FAM193A: variants seen among roughly 807,000 people sequenced by gnomAD.
The protein encoded by FAM193A is protein FAM193A.
A neutral mutation model predicts 126.5 loss-of-function variants in FAM193A; 22 were observed. That is an observed-to-expected ratio of 0.17 (90% CI 0.12 to 0.25). FAM193A has a LOEUF of 0.25. Ranked by LOEUF, FAM193A falls within the 10% of genes least tolerant of loss-of-function variation. The pLI, the probability that FAM193A is intolerant of heterozygous loss-of-function variation, is 1.00. For missense variants in FAM193A, 1,675 were observed against 1,672.8 expected (o/e 1.00, Z -0.02); for synonymous variants, 761 against 646.8 (o/e 1.18, Z -2.68).
At chr4:2,707,544 A>T (rs959787277) in intron 19 of FAM193A, among the ~76,000 whole-genome samples, 1 of 152,142 alleles carries the variant, frequency 6.6e-6, no homozygotes, top group African/African-American at 2.4e-5. Flanking sequence ...AAAATATCTC[A>T]GTATAATTTT....
intron 7 of FAM193A, among the ~76,000 whole-genome samples, chr4:2,656,037 T>A (rs1472594025): frequency 6.6e-6 from 1 of 152,204 alleles, no homozygotes; most frequent in South Asian, 2.1e-4. Context: ...TCCTCCTGCT[T>A]TGGCCTACCA....
chr4:2,705,225 T>C (rs1250973714), intron 19 of FAM193A, among the ~76,000 whole-genome samples: 1 of 152,198 alleles, frequency 6.6e-6, no homozygotes, highest in Non-Finnish European at 1.5e-5. Flanking sequence ...TTTTTTTATA[T>C]GGTAGGGACA....
intron 18 of FAM193A, among the ~76,000 whole-genome samples, chr4:2,699,446 C>CG (rs1553912476): frequency 1.9e-5 from 2 of 103,476 alleles, no homozygotes; most frequent in East Asian, 2.7e-4. Context: ...ACCCCCCCCC[C>CG]CACACACACA....
At position 2,690,848 on chromosome 4, in the gene FAM193A, T is replaced by C. The variant is rs568343321; in HGVS notation, c.2681T>C (p.Met894Thr). The C allele has an allele frequency of 5.0e-6, 8 of 1,614,226 alleles. No individual in the cohort carries two copies. The South Asian group carries it at 8.8e-5, about 18-fold the overall frequency. ...KCLYNFQDAF[M>T]EANKVVMATS... ...TTATACAATTTCCAAGATGCTTTCA[T>C]GGAAGCAAATAAAGTTGTCATGGCC... The change falls in exon 15 of 21, where the codon ATG becomes ACG. Residue 894 changes from methionine (M) to threonine (T), a missense_variant. Physicochemically the swap from Met to Thr is moderately conservative, Grantham distance 81 (BLOSUM62 -1). Around this residue, in one of 4 missense-constraint regions of FAM193A, gnomAD observed 1,186 missense variants for 1,109.2 expected, o/e 1.07. Coordinates refer to ENST00000637812, the MANE Select transcript of FAM193A (RefSeq NM_001366318.2).
At chr4:2,579,695 T>C (rs914993536) in intron 1 of FAM193A, among the ~76,000 whole-genome samples, 8 of 150,048 alleles carry the variant, frequency 5.3e-5, no homozygotes, top group Admixed American at 4.6e-4. Context: ...TGAGGCCCTG[T>C]CTCAAAAACA....
At chr4:2,678,283 C>T (rs927105504) in intron 13 of FAM193A, among the ~76,000 whole-genome samples, 2 of 151,422 alleles carry the variant, frequency 1.3e-5, no homozygotes, top group African/African-American at 4.9e-5. Flanking sequence ...CGCGCCTGGC[C>T]TGTTTTGTAG....
At chr4:2,710,667 T>A (rs577752173) in intron 19 of FAM193A, among the ~76,000 whole-genome samples, 2 of 151,930 alleles carry the variant, frequency 1.3e-5, no homozygotes, top group African/African-American at 4.8e-5. Context: ...CACACTCGGC[T>A]AATTTTTTTG....
chr4:2,684,652 G>A (rs1715526071), intron 13 of FAM193A, among the ~76,000 whole-genome samples: 2 of 152,166 alleles, frequency 1.3e-5, no homozygotes, highest in South Asian at 4.1e-4. Flanking sequence ...TGCGAGAGCT[G>A]CCTGAGACCT....
rs986931980 is a variant in FAM193A at position 2,577,422 on chromosome 4, G to GTTTTTTTTTTTTTTTTTTT, written c.256-18648_256-18647insTTTTTTTTTTTTTTTTTTT. ...ACTCAATTAAAGTGGTTTTTTTTTT[G>GTTTTTTTTTTTTTTTTTTT]TTTTTTTTTTTTTTGAGACAGAGTC... On this transcript the variant is annotated intron_variant, in intron 1 of 20. Transcript: ENST00000637812. 2.3e-4 allele frequency among the ~76,000 whole-genome samples: 26 copies of GTTTTTTTTTTTTTTTTTTT among 115,538 alleles called. 4 individuals carry two copies. The highest frequency in any genetic ancestry group is 5.1e-4 in the East Asian group (2 of 3,912). The allele number at this position is 115,538 out of a possible 152,430, so 75.8% of individuals were successfully genotyped here.
chr4:2,570,967 C>A (rs895683005), intron 1 of FAM193A, among the ~76,000 whole-genome samples: 1 of 152,094 alleles, frequency 6.6e-6, no homozygotes, highest in Non-Finnish European at 1.5e-5. Flanking sequence ...CTGTTGTATT[C>A]AGGGTTCACA....
chr4:2,583,366 T>C (rs1339057480), intron 1 of FAM193A, among the ~76,000 whole-genome samples: 3 of 152,258 alleles, frequency 2.0e-5, no homozygotes, highest in African/African-American at 7.2e-5. Context: ...AATTTTGGAC[T>C]CAGTGTGTAA....
In FAM193A at chr4:2,662,825, C is replaced by G; in HGVS notation, c.1746-13C>G. The G allele has an allele frequency of 6.2e-7, 1 of 1,601,390 alleles. No individual in the cohort carries two copies. The highest frequency in any genetic ancestry group is 8.6e-7 in the Non-Finnish European group (1 of 1,169,458). On this transcript the variant is annotated splice_polypyrimidine_tract_variant and intron_variant, in intron 10 of 20. Coordinates refer to ENST00000637812, the MANE Select transcript of FAM193A (RefSeq NM_001366318.2). ...TTGAATGACCTCACAGTGACCATCT[C>G]TGCTTGTGTCAGTTGTAGTGATGAT...
intron 12 of FAM193A, among the ~76,000 whole-genome samples, chr4:2,667,628 C>A (rs1713271682): frequency 6.6e-6 from 1 of 152,168 alleles, no homozygotes; most frequent in African/African-American, 2.4e-5. Context: ...TCTTGGGTTA[C>A]TGTGTACATG....
intron 20 of FAM193A, among the ~76,000 whole-genome samples, chr4:2,719,457 C>T (rs1414511575): frequency 3.3e-5 from 5 of 152,174 alleles, no homozygotes; most frequent in African/African-American, 7.2e-5. Context: ...AGAAAATCCA[C>T]TTTATTGGCC....
intron 10 of FAM193A, 137 bp from the exon 11 acceptor site, chr4:2,662,701 T>C: frequency 1.9e-6 from 1 of 530,982 alleles, no homozygotes. Flanking sequence ...ATGTTAGTGG[T>C]AGGAATGATA....
chr4:2,566,983 A>C (rs1739002316), intron 1 of FAM193A, among the ~76,000 whole-genome samples: 1 of 144,274 alleles, frequency 6.9e-6, no homozygotes, highest in Non-Finnish European at 1.5e-5. Flanking sequence ...TCTGTCGCCC[A>C]GGCTGGAATG....
intron 2 of FAM193A, among the ~76,000 whole-genome samples, chr4:2,623,902 A>G (rs534188162): frequency 3.7e-4 from 56 of 152,132 alleles, no homozygotes; most frequent in African/African-American, 1.3e-3. Context: ...GGGGGATGCA[A>G]TGATTATGGA....
chr4:2,594,619 C>T (rs976997183), intron 1 of FAM193A, among the ~76,000 whole-genome samples: 4 of 152,078 alleles, frequency 2.6e-5, no homozygotes, highest in African/African-American at 9.7e-5. Context: ...GAGTGCCTCC[C>T]TCCAGCCTCT....
At chr4:2,701,645 T>G (rs1002537256) in intron 19 of FAM193A, among the ~76,000 whole-genome samples, 6 of 152,306 alleles carry the variant, frequency 3.9e-5, no homozygotes, top group Admixed American at 3.3e-4. Flanking sequence ...CAAGTTAATA[T>G]TTCTCCTTTG....
Sources: gnomAD v4.1 joint callset for allele counts (sites outside exome capture counted in the v4.1 genomes callset) on GRCh38, gnomAD v4.1.1 for gene constraint, gnomAD v4.1.1 regional missense constraint, MANE v1.5 for transcripts, NCBI Gene and HGNC (gene_info 2026-07-23, HGNC 2026-07-21) for gene names.